CDH8: variants seen among roughly 807,000 people sequenced by gnomAD.
CDH8 encodes cadherin 8.
CDH8 carries 17 observed loss-of-function variants against 68.1 expected under a neutral mutation model. The ratio of observed to expected loss-of-function variants is 0.25; its 90% CI spans 0.17 to 0.37. The LOEUF (loss-of-function observed/expected upper bound fraction) is 0.37, where lower values mean the gene tolerates loss of function less well. Ranked by LOEUF, CDH8 falls within the 10% of genes least tolerant of loss-of-function variation. The pLI, the probability that CDH8 is intolerant of heterozygous loss-of-function variation, is 1.00. For missense variants in CDH8, 763 were observed against 999.3 expected (o/e 0.76, Z 3.19); for synonymous variants, 372 against 365.1 (o/e 1.02, Z -0.21).
intron 5 of CDH8, among the ~76,000 whole-genome samples, chr16:61,822,593 A>G (rs1440596563): frequency 6.6e-6 from 1 of 151,810 alleles, no homozygotes; most frequent in Non-Finnish European, 1.5e-5. Flanking sequence ...GGATAAAAAC[A>G]TCTCTCTTAG....
intron 4 of CDH8, among the ~76,000 whole-genome samples, chr16:61,831,519 A>G (rs1171527682): frequency 6.6e-6 from 1 of 151,798 alleles, no homozygotes; most frequent in Non-Finnish European, 1.5e-5. Context: ...GCTGTTTCTT[A>G]TGTCTCATCA....
chr16:61,857,020 G>C, intron 4 of CDH8, 99 bp downstream of exon 4: 1 of 1,343,974 alleles, frequency 7.4e-7, no homozygotes, highest in Non-Finnish European at 1.1e-6. Context: ...TGCAGGCAGT[G>C]AAGTACTTAC....
intron 2 of CDH8, among the ~76,000 whole-genome samples, chr16:61,935,556 T>C (rs1416383803): frequency 3.9e-5 from 6 of 152,134 alleles, no homozygotes; most frequent in Non-Finnish European, 4.4e-5. Context: ...ATACCTTTTA[T>C]GGGAAAGGAA....
intron 7 of CDH8, among the ~76,000 whole-genome samples, chr16:61,803,684 C>T (rs1053227972): frequency 4.2e-4 from 63 of 150,696 alleles, no homozygotes; most frequent in African/African-American, 1.5e-3. Flanking sequence ...TCTGATAAAA[C>T]AGACTTTAAA....
chr16:61,935,507 T>C (rs79201806), intron 2 of CDH8, among the ~76,000 whole-genome samples: 1 of 152,156 alleles, frequency 6.6e-6, no homozygotes, highest in Non-Finnish European at 1.5e-5. Flanking sequence ...TTGAATGTCC[T>C]CATCTTCATC....
At position 61,871,815 on chromosome 16, in the gene CDH8, CAAAAAAAAAAAAAAA is replaced by C. The variant is rs144379377; in HGVS notation, c.548-14592_548-14578del. On this transcript the variant is annotated intron_variant, in intron 3 of 11. Coordinates refer to ENST00000577390, the MANE Select transcript of CDH8 (RefSeq NM_001796.5). ...TTGCTATGCTCTATTGTTCTATATG[CAAAAAAAAAAAAAAA>C]AAAAAAAAAAAAAAAAACCCAGAAA... 9.5e-3 allele frequency among the ~76,000 whole-genome samples: 413 copies of C among 43,404 alleles called. 4 individuals are homozygous for C. Among genetic ancestry groups the C allele is most frequent in the Middle Eastern group, 0.059 (2 of 34 alleles). The allele number at this position is 43,404 out of a possible 152,430, so 28.5% of individuals were successfully genotyped here.
intron 3 of CDH8, among the ~76,000 whole-genome samples, chr16:61,868,344 A>T (rs1963293936): frequency 2.0e-5 from 3 of 152,214 alleles, no homozygotes; most frequent in Admixed American, 6.5e-5. Context: ...AGAGAGAATT[A>T]ATAGCTTATT....
At chr16:62,009,840 G>A (rs1355303011) in intron 2 of CDH8, among the ~76,000 whole-genome samples, 3 of 152,192 alleles carry the variant, frequency 2.0e-5, no homozygotes, top group Non-Finnish European at 2.9e-5. Context: ...CATGTAGCAA[G>A]ATGTCTGCAA....
rs539679541 is a variant in CDH8 at position 61,662,392 on chromosome 16, T to C, written c.1655-6671A>G. 7.2e-5 allele frequency among the ~76,000 whole-genome samples: 11 copies of C among 151,828 alleles called. 1 individual carries two copies. In the South Asian group the frequency reaches 2.3e-3, roughly 31 times the overall value. ...CAGAGAGTGTGTCCTAATAATGAGATGTTAGATACAAGAGAGAAATTTTTC... is the reference window on the plus strand; with the variant it reads ...CAGAGAGTGTGTCCTAATAATGAGACGTTAGATACAAGAGAGAAATTTTTC... On this transcript the variant is annotated intron_variant, in intron 10 of 11. Transcript: ENST00000577390.
At chr16:61,671,351 C>T (rs918321187) in intron 10 of CDH8, among the ~76,000 whole-genome samples, 2 of 151,738 alleles carry the variant, frequency 1.3e-5, no homozygotes, top group African/African-American at 4.8e-5. Context: ...CCGTCAGAGG[C>T]TCCACTGGGG....
intron 2 of CDH8, among the ~76,000 whole-genome samples, chr16:61,902,445 T>C (rs1419825473): frequency 2.0e-5 from 3 of 152,146 alleles, no homozygotes; most frequent in Admixed American, 1.3e-4. Flanking sequence ...AACAATAATA[T>C]ATGTATTTGG....
intron 8 of CDH8, among the ~76,000 whole-genome samples, chr16:61,766,795 A>G (rs369678373): frequency 7.2e-5 from 11 of 151,948 alleles, no homozygotes; most frequent in African/African-American, 2.4e-4. Context: ...GTATCTATTC[A>G]TCGTAATATT....
chr16:62,021,330 G>C lies in CDH8; in HGVS notation c.74C>G (p.Pro25Arg). 6.2e-7 allele frequency: 1 copy of C among 1,614,028 alleles called. No homozygotes were observed. The highest frequency in any genetic ancestry group is 8.5e-7 in the Non-Finnish European group (1 of 1,179,930). Reference protein sequence around the residue: ...PLIILWITLPPCIYMAPMNQS... With the variant: ...PLIILWITLPRCIYMAPMNQS... The stretch of plus-strand genomic sequence containing the variant: ...ATTCATCGGAGCCATGTAAATGCAA[G>C]GGGGAAGAGTAATCCATAATATTAT... The change falls in exon 2 of 12, where the codon CCT becomes CGT. Residue 25 changes from proline to arginine, a missense_variant. Around this residue, in one of 2 missense-constraint regions of CDH8, gnomAD observed 366 missense variants for 563.1 expected, o/e 0.65. Coordinates refer to ENST00000577390, the MANE Select transcript of CDH8 (RefSeq NM_001796.5).
rs755819051 is a variant in CDH8 at position 61,674,201 on chromosome 16, A to G, written c.1655-18480T>C. The stretch of plus-strand genomic sequence containing the variant: ...ATCTACCCTAAACCTGTTGTTAAAA[A>G]TAAGCCTCTTTGGGAGGCCAAGGCG... On this transcript the variant is annotated intron_variant, in intron 10 of 11. Transcript: ENST00000577390. Among the ~76,000 whole-genome samples, 16 of 152,048 alleles carry G rather than the reference A, an allele frequency of 1.1e-4. No individual in the cohort carries two copies. The East Asian group carries it at 1.7e-3, about 17-fold the overall frequency.
At chr16:61,697,651 C>A (rs549649730) in intron 10 of CDH8, among the ~76,000 whole-genome samples, 13 of 152,242 alleles carry the variant, frequency 8.5e-5, no homozygotes, top group African/African-American at 2.9e-4. Context: ...CAGGCCTGTG[C>A]CACCATATCT....
intron 3 of CDH8, among the ~76,000 whole-genome samples, chr16:61,893,313 A>C (rs1051865502): frequency 6.6e-6 from 1 of 152,132 alleles, no homozygotes; most frequent in Non-Finnish European, 1.5e-5. Context: ...GACATCTGCT[A>C]AAACGCTGTT....
intron 7 of CDH8, among the ~76,000 whole-genome samples, chr16:61,807,334 A>C (rs1465804085): frequency 5.4e-5 from 4 of 73,700 alleles, no homozygotes; most frequent in South Asian, 6.0e-4. Context: ...GGGTGGGGGG[A>C]GGGGGGAGGG....
chr16:61,788,384 T>C (rs1173905817), intron 8 of CDH8, among the ~76,000 whole-genome samples: 1 of 152,110 alleles, frequency 6.6e-6, no homozygotes, highest in Non-Finnish European at 1.5e-5. Context: ...CCATGAATCT[T>C]TCTTAACATT....
intron 2 of CDH8, among the ~76,000 whole-genome samples, chr16:61,955,346 G>A (rs962827468): frequency 2.0e-5 from 3 of 152,192 alleles, no homozygotes; most frequent in African/African-American, 7.2e-5. Context: ...TTCAAACCAT[G>A]TTCAAATAAA....
Sources: allele counts gnomAD v4.1 joint callset (sites outside exome capture counted in the v4.1 genomes callset), GRCh38; gene constraint gnomAD v4.1.1; regional missense constraint gnomAD v4.1.1; transcripts MANE v1.5; gene names NCBI Gene and HGNC (gene_info 2026-07-23, HGNC 2026-07-21).